The following TNKS variants were observed in gnomAD, a reference collection of about 807,000 sequenced individuals.
The protein encoded by TNKS is tankyrase.
A neutral mutation model predicts 135.8 loss-of-function variants in TNKS; 72 were observed. The observed-to-expected ratio is 0.53, with a 90% CI of 0.44 to 0.64. The LOEUF (loss-of-function observed/expected upper bound fraction) is 0.64, where lower values mean the gene tolerates loss of function less well. Among genes scored for constraint, TNKS ranks in the 30% least tolerant of loss-of-function variants. TNKS has a pLI of 0.00. For missense variants in TNKS, 1,769 were observed against 1,674.0 expected (o/e 1.06, Z -0.99); for synonymous variants, 849 against 649.3 (o/e 1.31, Z -4.68).
chr8:9,752,284 C>A (rs1375020059), intron 19 of TNKS, among the ~76,000 whole-genome samples: 1 of 151,906 alleles, frequency 6.6e-6, no homozygotes, highest in Non-Finnish European at 1.5e-5. Context: ...TTATAAATTA[C>A]AATAAGTTAT....
chr8:9,762,560 A>C (rs1253521071), intron 21 of TNKS, among the ~76,000 whole-genome samples: 2 of 152,032 alleles, frequency 1.3e-5, no homozygotes, highest in South Asian at 2.1e-4. Flanking sequence ...AGTTTAATTC[A>C]ACAAATATTT....
chr8:9,772,738 A>G (rs1010987967), intron 26 of TNKS, among the ~76,000 whole-genome samples: 2 of 151,726 alleles, frequency 1.3e-5, no homozygotes, highest in African/African-American at 4.9e-5. Flanking sequence ...ATACTGGCAT[A>G]TTTAGGGATA....
chr8:9,633,576 T>C (rs1460990948), intron 3 of TNKS, among the ~76,000 whole-genome samples: 4 of 152,174 alleles, frequency 2.6e-5, no homozygotes, highest in African/African-American at 2.4e-5. Flanking sequence ...CCCTCCCACA[T>C]TGTAGAAGAG....
At chr8:9,623,554 A>C (rs1161569764) in intron 3 of TNKS, among the ~76,000 whole-genome samples, 3 of 152,182 alleles carry the variant, frequency 2.0e-5, no homozygotes, top group Admixed American at 6.5e-5. Flanking sequence ...TATTGCTAAG[A>C]AATGCTAACG....
At chr8:9,586,832 C>T (rs769867188) in intron 2 of TNKS, among the ~76,000 whole-genome samples, 5 of 150,272 alleles carry the variant, frequency 3.3e-5, no homozygotes, top group Non-Finnish European at 7.4e-5. Context: ...GAGTTATCAG[C>T]AATAGGGAAG....
At chr8:9,730,131 C>G (rs1233189970) in intron 13 of TNKS, among the ~76,000 whole-genome samples, 1 of 152,136 alleles carries the variant, frequency 6.6e-6, no homozygotes, top group Admixed American at 6.5e-5. Flanking sequence ...TCACTTATTA[C>G]CACCAGTGAT....
Position 9,704,660 on chromosome 8 carries a change from T to C in TNKS, c.1108-3T>C. 1.2e-6 allele frequency: 2 copies of C among 1,609,622 alleles called. No homozygotes were observed. The highest frequency in any genetic ancestry group is 1.7e-6 in the Non-Finnish European group (2 of 1,177,644). On this transcript the variant is annotated splice_polypyrimidine_tract_variant and splice_region_variant and intron_variant, in intron 5 of 26. Transcript: ENST00000310430. ...CTGAAAAGGGGATGTTTTTCTTTTCTAGTCGACTCCTTTACATCTAGCAGC... is the reference window on the plus strand; with the variant it reads ...CTGAAAAGGGGATGTTTTTCTTTTCCAGTCGACTCCTTTACATCTAGCAGC...
At chr8:9,648,500 C>T (rs1801004829) in intron 3 of TNKS, among the ~76,000 whole-genome samples, 1 of 152,132 alleles carries the variant, frequency 6.6e-6, no homozygotes, top group South Asian at 2.1e-4. Flanking sequence ...TTTCCCCTCC[C>T]CATGCCGTCC....
intron 17 of TNKS, among the ~76,000 whole-genome samples, chr8:9,746,105 G>A (rs12235001): frequency 0.09 from 13,752 of 152,136 alleles, 728 homozygotes; most frequent in South Asian, 0.17. Flanking sequence ...TTCAATAGAT[G>A]ATGTGCTTTT....
chr8:9,632,201 A>G (rs1468935910), intron 3 of TNKS, among the ~76,000 whole-genome samples: 2 of 152,198 alleles, frequency 1.3e-5, no homozygotes, highest in African/African-American at 4.8e-5. Flanking sequence ...TGTACTTTAA[A>G]CCACTAAGTC....
intron 5 of TNKS, among the ~76,000 whole-genome samples, chr8:9,682,686 TTTG>T (rs1802830881): frequency 6.6e-6 from 1 of 152,096 alleles, no homozygotes; most frequent in African/African-American, 2.4e-5. Flanking sequence ...AGAATAGAAC[TTTG>T]TTGTTCCTTG....
At chr8:9,690,083 C>G (rs1803191867) in intron 5 of TNKS, among the ~76,000 whole-genome samples, 1 of 152,074 alleles carries the variant, frequency 6.6e-6, no homozygotes, top group Non-Finnish European at 1.5e-5. Flanking sequence ...TGATTTTTTT[C>G]TTTTCATAAA....
rs1365085402 is a variant in TNKS at position 9,781,600 on chromosome 8, A to G, written c.*4864A>G. The G allele has an allele frequency of 6.6e-6, 1 of 152,592 alleles. No homozygotes were observed. Among genetic ancestry groups the G allele is most frequent in the Non-Finnish European group, 1.5e-5 (1 of 68,042 alleles). The allele number at this position is 152,592 out of a possible 1,614,324, so 9.5% of individuals were successfully genotyped here. A position where few individuals can be genotyped will look rare whatever the true frequency, so the allele number is the denominator to read the frequency against. ...CTTCTGCTCCCATTGTTTCAAGCTC[A>G]TCTTATCTTTGTAGTAGTAATGTTT... is the stretch of plus-strand genomic sequence containing the variant. On this transcript the variant is annotated 3_prime_UTR_variant, in exon 27 of 27. Transcript: ENST00000310430.
chr8:9,676,906 T>A (rs1245662850), intron 3 of TNKS, among the ~76,000 whole-genome samples: 1 of 152,230 alleles, frequency 6.6e-6, no homozygotes, highest in East Asian at 1.9e-4. Flanking sequence ...TTGCCTAGTT[T>A]CCTTTCTGGC....
Position 9,761,739 on chromosome 8 carries a change from C to G in TNKS, c.3274+103C>G, listed in dbSNP as rs113050170. On this transcript the variant is annotated intron_variant, in intron 21 of 26. Coordinates refer to ENST00000310430, the MANE Select transcript of TNKS (RefSeq NM_003747.3). ...GGCAGTCCAGTCCCAGAACCATACA[C>G]TGAACTATTGTACCTCCTGTCCCTT... 3.2e-3 allele frequency: 3,906 copies of G among 1,227,516 alleles called. 7 individuals are homozygous for G. Among genetic ancestry groups the G allele is most frequent in the Non-Finnish European group, 3.5e-3 (3,116 of 893,464 alleles). The allele number at this position is 1,227,516 out of a possible 1,614,324, so 76.0% of individuals were successfully genotyped here. A position where few individuals can be genotyped will look rare whatever the true frequency, so the allele number is the denominator to read the frequency against.
chr8:9,708,728 C>T (rs959233908), intron 9 of TNKS, among the ~76,000 whole-genome samples: 7 of 152,004 alleles, frequency 4.6e-5, no homozygotes, highest in African/African-American at 1.4e-4. Context: ...TTGTCTTCCC[C>T]ACCTCATTAT....
chr8:9,749,738 C>G (rs183321900), intron 18 of TNKS, among the ~76,000 whole-genome samples: 6 of 152,284 alleles, frequency 3.9e-5, no homozygotes, highest in African/African-American at 1.4e-4. Context: ...CTTCCTCAGC[C>G]TCCCAAAGTG....
intron 2 of TNKS, among the ~76,000 whole-genome samples, chr8:9,604,235 T>C (rs1475326362): frequency 1.3e-5 from 2 of 152,048 alleles, no homozygotes; most frequent in Admixed American, 1.3e-4. Context: ...GTTTTGGAGA[T>C]TTCATCCCTG....
In TNKS at chr8:9,761,507, A is replaced by G. The variant is rs375711726; in HGVS notation, c.3154-9A>G. 1 of 1,612,132 alleles carries G rather than the reference A, an allele frequency of 6.2e-7. No homozygotes were observed. Among genetic ancestry groups the G allele is most frequent in the Non-Finnish European group, 8.5e-7 (1 of 1,179,616 alleles). ...AAGATATCCTAGCTAATTTTGTTTC[A>G]TTTTTCAGATTACACTAGATGTGTT... On this transcript the variant is annotated splice_polypyrimidine_tract_variant and intron_variant, in intron 20 of 26. Coordinates refer to ENST00000310430, the MANE Select transcript of TNKS (RefSeq NM_003747.3).
Sources: allele counts gnomAD v4.1 joint callset (sites outside exome capture counted in the v4.1 genomes callset), GRCh38; gene constraint gnomAD v4.1.1; transcripts MANE v1.5; gene names NCBI Gene and HGNC (gene_info 2026-07-23, HGNC 2026-07-21).